Variants in CLASP1 observed in about 807,000 individuals in gnomAD.
CLASP1 encodes cytoplasmic linker associated protein 1, also known as CLIP-associating protein 1.
In CLASP1, 38 loss-of-function variants were observed where a neutral mutation model predicts 192.3. The ratio of observed to expected loss-of-function variants is 0.20; its 90% CI spans 0.15 to 0.26. The LOEUF is 0.26. Among genes scored for constraint, CLASP1 ranks in the 10% least tolerant of loss-of-function variants. The pLI is 1.00. For synonymous variants in CLASP1, 691 were observed against 712.8 expected, an observed-to-expected ratio of 0.97 and a Z score of 0.49; for missense variants, 1,433 against 1,932.5, an observed-to-expected ratio of 0.74 and a Z score of 4.85.
Position 121,459,974 on chromosome 2 carries a change from C to T in CLASP1, c.1178+6G>A. ...TGGTGAGAATATGGAGCATCGCAGT[C>T]CTTACCCCAACGTGATACAAGCCTC... On this transcript the variant is annotated splice_donor_region_variant and intron_variant, in intron 12 of 39. Coordinates refer to ENST00000263710, the Ensembl canonical transcript of CLASP1. 1 of 1,610,708 alleles carries T rather than the reference C, an allele frequency of 6.2e-7. No homozygotes were observed. Among genetic ancestry groups the T allele is most frequent in the Non-Finnish European group, 8.5e-7 (1 of 1,178,544 alleles).
rs115613727 is a variant in CLASP1 at position 121,416,074 on chromosome 2, C to A, written c.2320+2548G>T. Among the ~76,000 whole-genome samples, 747 of 152,278 alleles carry A rather than the reference C, an allele frequency of 4.9e-3. 8 individuals carry two copies. The highest frequency in any genetic ancestry group is 0.017 in the African/African-American group (724 of 41,570). ...CTATACATTTTGTACAAGCACATCA[C>A]TATCTTGATAGTTCAGACTGAAATA... is the stretch of plus-strand genomic sequence containing the variant. On this transcript the variant is annotated intron_variant, in intron 23 of 39. Coordinates refer to ENST00000263710, the Ensembl canonical transcript of CLASP1.
intron 30 of CLASP1, 70 bp downstream of exon 31, chr2:121,397,070 T>A: frequency 1.3e-6 from 2 of 1,540,208 alleles, no homozygotes; most frequent in Non-Finnish European, 1.8e-6. Flanking sequence ...GTTTTCAAGT[T>A]TCTAAATACA....
intron 1 of CLASP1, among the ~76,000 whole-genome samples, chr2:121,643,675 A>G (rs1460042499): frequency 6.6e-6 from 1 of 152,248 alleles, no homozygotes; most frequent in Non-Finnish European, 1.5e-5. Flanking sequence ...GATACATTCC[A>G]AACTGGTAAG....
chr2:121,622,226 T>C (rs1405182649), intron 1 of CLASP1, among the ~76,000 whole-genome samples: 5 of 152,090 alleles, frequency 3.3e-5, no homozygotes, highest in African/African-American at 9.7e-5. Context: ...TCCCTGAACA[T>C]AGAGTATCTT....
chr2:121,617,847 C>A (rs1212799977), intron 1 of CLASP1, among the ~76,000 whole-genome samples: 2 of 152,198 alleles, frequency 1.3e-5, no homozygotes, highest in Admixed American at 1.3e-4. Flanking sequence ...AAACTGATGT[C>A]TCCCAAATTT....
chr2:121,425,605 C>T (rs917057695), intron 21 of CLASP1, among the ~76,000 whole-genome samples: 4 of 151,870 alleles, frequency 2.6e-5, no homozygotes, highest in Admixed American at 1.3e-4. Flanking sequence ...TCTGTAAGAG[C>T]TGATTATGTT....
chr2:121,531,147 G>C (rs1051180295), intron 2 of CLASP1: 2 of 613,732 alleles, frequency 3.3e-6, no homozygotes, highest in South Asian at 1.9e-5. Flanking sequence ...AGTTTTTGCG[G>C]TGATTAAACG....
At chr2:121,530,605 G>T in intron 2 of CLASP1, 1 of 531,186 alleles carries the variant, frequency 1.9e-6, no homozygotes, top group South Asian at 2.8e-5. Flanking sequence ...GTTCAAGAGC[G>T]CGCCGCGGTC....
intron 2 of CLASP1, among the ~76,000 whole-genome samples, chr2:121,574,220 C>T (rs1275694344): frequency 2.0e-5 from 3 of 151,468 alleles, no homozygotes; most frequent in Middle Eastern, 3.2e-3. Flanking sequence ...CCCAGTTACT[C>T]GGGAGGCTGA....
At chr2:121,464,357 A>G (rs2088957246) in intron 9 of CLASP1, among the ~76,000 whole-genome samples, 1 of 152,116 alleles carries the variant, frequency 6.6e-6, no homozygotes, top group Admixed American at 6.5e-5. Flanking sequence ...TTGGGTATAT[A>G]CCCAGTAATG....
intron 16 of CLASP1, 68 bp downstream of exon 16, chr2:121,450,845 G>C: frequency 8.8e-7 from 1 of 1,134,898 alleles, no homozygotes; most frequent in East Asian, 2.4e-5. Context: ...TTTTAATAAG[G>C]CAATCCTATA....
chr2:121,348,973 G>A (rs1573579352), intron 37 of CLASP1, among the ~76,000 whole-genome samples: 1 of 152,232 alleles, frequency 6.6e-6, no homozygotes, highest in Non-Finnish European at 1.5e-5. Flanking sequence ...GGGCGCGGTG[G>A]CTCACACCTG....
chr2:121,411,733 T>C (rs1248955870), intron 23 of CLASP1, among the ~76,000 whole-genome samples: 2 of 152,178 alleles, frequency 1.3e-5, no homozygotes, highest in Non-Finnish European at 2.9e-5. Context: ...CTTGTGATCA[T>C]GGAAATGAAA....
At chr2:121,566,378 C>T (rs2059502236) in intron 2 of CLASP1, among the ~76,000 whole-genome samples, 3 of 152,142 alleles carry the variant, frequency 2.0e-5, no homozygotes, top group Admixed American at 2.0e-4. Context: ...TGTGCTGCAC[C>T]ATATTTTGTG....
At position 121,527,975 on chromosome 2, in the gene CLASP1, T is replaced by C; in HGVS notation, c.379-85A>G. On this transcript the variant is annotated intron_variant, in intron 4 of 39. Transcript: ENST00000263710. ...AGGGAGCAATAGAAGGCAAGCCTCTTAACGAGCGCCAAATTAGTCCCATCC... is the reference window on the plus strand; with the variant it reads ...AGGGAGCAATAGAAGGCAAGCCTCTCAACGAGCGCCAAATTAGTCCCATCC... The C allele has an allele frequency of 3.9e-6, 4 of 1,030,884 alleles. No homozygotes were observed. The South Asian group carries it at 5.5e-5, about 14-fold the overall frequency. 63.9% of individuals were successfully genotyped at this position (1,030,884 alleles called of 1,614,324 possible).
chr2:121,338,924 T>C (rs2062564523), exon 40 of CLASP1: 1 of 152,628 alleles, frequency 6.6e-6, no homozygotes. Flanking sequence ...GACTCCCTAA[T>C]TCACTTGTAG....
chr2:121,423,134 C>A (rs1452994685), intron 22 of CLASP1, among the ~76,000 whole-genome samples: 6 of 151,986 alleles, frequency 3.9e-5, no homozygotes, highest in Non-Finnish European at 7.4e-5. Context: ...ATATAGATTT[C>A]TTTATATGCA....
At chr2:121,520,328 A>C (rs1364903291) in intron 6 of CLASP1, among the ~76,000 whole-genome samples, 1 of 152,174 alleles carries the variant, frequency 6.6e-6, no homozygotes, top group Non-Finnish European at 1.5e-5. Flanking sequence ...GCAGTCTATA[A>C]ACTGATGAGA....
intron 2 of CLASP1, among the ~76,000 whole-genome samples, chr2:121,567,558 G>A (rs1244789695): frequency 6.6e-6 from 1 of 152,230 alleles, no homozygotes; most frequent in African/African-American, 2.4e-5. Context: ...TGCATCTCTT[G>A]TAACTGGTTG....
Sources: gnomAD v4.1 joint callset for allele counts (sites outside exome capture counted in the v4.1 genomes callset) on GRCh38, gnomAD v4.1.1 for gene constraint, MANE v1.5 for transcripts, NCBI Gene and HGNC (gene_info 2026-07-23, HGNC 2026-07-21) for gene names.